OPA1: variants seen among roughly 807,000 people sequenced by gnomAD.
OPA1 encodes OPA1 mitochondrial dynamin like GTPase.
Under a neutral mutation model 152.9 loss-of-function variants are expected in OPA1, and 59 were observed. The ratio of observed to expected loss-of-function variants is 0.39; its 90% CI spans 0.31 to 0.48. OPA1 has a LOEUF of 0.48. Among genes scored for constraint, OPA1 ranks in the 20% least tolerant of loss-of-function variants. OPA1 has a pLI of 0.96. For synonymous variants in OPA1, 400 were observed against 389.9 expected, an observed-to-expected ratio of 1.03 and a Z score of -0.31; for missense variants, 1,008 against 1,216.8, an observed-to-expected ratio of 0.83 and a Z score of 2.55.
Position 193,658,965 on chromosome 3 carries a change from G to C in OPA1, c.2410G>C (p.Glu804Gln), listed in dbSNP as rs1714572413. Reference sequence around the variant, plus strand: ...ATGGGATGCAGCTATTTATTTTATGGAAGAGGCTCTGCAGGCTCGTCTCAA... The same window carrying C: ...ATGGGATGCAGCTATTTATTTTATGCAAGAGGCTCTGCAGGCTCGTCTCAA... ...QQWDAAIYFM[E>Q]EALQARLKDT... The change falls in exon 24 of 31, where the codon GAA (glutamate) becomes CAA (glutamine). Residue 804 changes from glutamate to glutamine, a missense_variant. This residue lies in a region of OPA1 where 229 missense variants were observed against 269.0 expected (regional missense o/e 0.85). Coordinates refer to ENST00000361510, the MANE Select transcript of OPA1 (RefSeq NM_130837.3). The C allele has an allele frequency of 6.2e-7, 1 of 1,613,716 alleles. No homozygotes were observed. The highest frequency in any genetic ancestry group is 1.3e-5 in the African/African-American group (1 of 75,030).
intron 27 of OPA1, among the ~76,000 whole-genome samples, chr3:193,665,792 A>C (rs1159490273): frequency 1.3e-5 from 2 of 152,170 alleles, no homozygotes; most frequent in Admixed American, 6.5e-5. Context: ...ACTTCTTTCT[A>C]TAGAAACTTC....
chr3:193,599,094 G>T (rs1726060137), intron 1 of OPA1, among the ~76,000 whole-genome samples: 1 of 151,930 alleles, frequency 6.6e-6, no homozygotes, highest in South Asian at 2.1e-4. Flanking sequence ...CTAACTTTAG[G>T]CTCTTCCCCT....
chr3:193,634,816 A>G (rs1382818908), intron 8 of OPA1, among the ~76,000 whole-genome samples: 4 of 152,152 alleles, frequency 2.6e-5, no homozygotes, highest in Non-Finnish European at 5.9e-5. Flanking sequence ...CTGCTCCTCT[A>G]CTAAGTGACC....
Position 193,667,207 on chromosome 3 carries a change from A to G in OPA1, c.2910A>G (p.Glu970=), listed in dbSNP as rs1416460079. 9 of 1,606,248 alleles carry G rather than the reference A, an allele frequency of 5.6e-6. No homozygotes were observed. Among genetic ancestry groups the G allele is most frequent in the African/African-American group, 2.7e-5 (2 of 74,770 alleles). The change falls in exon 29 of 31, where the codon GAA becomes GAG. Residue 970 remains glutamate, a synonymous_variant. Transcript: ENST00000361510. ...RLEKNVKEVL[E]DFAEDGEKKI... ...AGAAAAATGTTAAAGAGGTATTGGAAGATTTTGCTGAAGATGGTGAGAAGA... is the reference window on the plus strand; with the variant it reads ...AGAAAAATGTTAAAGAGGTATTGGAGGATTTTGCTGAAGATGGTGAGAAGA...
Position 193,658,890 on chromosome 3 carries a change from G to A in OPA1, c.2335G>A (p.Val779Ile). The change falls in exon 24 of 31, where the codon GTT becomes ATT. Residue 779 changes from valine (V) to isoleucine (I), a missense_variant. Val to Ile is a conservative substitution (Grantham distance 29). Transcript: ENST00000361510. ...TTTCTCTTCTTGTTATTTTCAGAGG[G>A]TTATTCAACACAATGCTTTGGAAGA... is the stretch of plus-strand genomic sequence containing the variant. ...WNDFAEDSLR[V>I]IQHNALEDRS... 1.2e-6 allele frequency: 2 copies of A among 1,610,170 alleles called. No homozygotes were observed. The highest frequency in any genetic ancestry group is 8.5e-7 in the Non-Finnish European group (1 of 1,176,524).
chr3:193,603,517 C>A (rs1726771385), intron 1 of OPA1: 1 of 152,204 alleles, frequency 6.6e-6, no homozygotes, highest in African/African-American at 2.4e-5. Flanking sequence ...GAAAGGAGCT[C>A]ATCTGTTTGG....
At chr3:193,652,829 T>C (rs913533173) in intron 21 of OPA1, among the ~76,000 whole-genome samples, 1 of 151,986 alleles carries the variant, frequency 6.6e-6, no homozygotes, top group African/African-American at 2.4e-5. Context: ...CAAGGAGAAG[T>C]GATAACAGCT....
chr3:193,607,485 C>T (rs1326395894), intron 1 of OPA1, among the ~76,000 whole-genome samples: 2 of 152,192 alleles, frequency 1.3e-5, no homozygotes, highest in Non-Finnish European at 2.9e-5. Flanking sequence ...CTACATATGG[C>T]TAGCCAGTTT....
At chr3:193,615,498 G>A (rs1161798202) in intron 2 of OPA1, among the ~76,000 whole-genome samples, 176 bp from the exon 3 acceptor site, 3 of 152,166 alleles carry the variant, frequency 2.0e-5, no homozygotes, top group Non-Finnish European at 4.4e-5. Context: ...ATTTAACAGA[G>A]GAGTGTTAAC....
rs77232467 is a variant in OPA1, at chr3:193,684,985, A to G, written c.2984-7078A>G. Among the ~76,000 whole-genome samples the G allele has an allele frequency of 2.0e-5, 3 of 152,236 alleles. No homozygotes were observed. The East Asian group carries it at 5.8e-4, about 29-fold the overall frequency. ...GGAGCCTAGTAGAAATGCTTGTGTT[A>G]TAAGAGTTTATTTTTTAAAAAGCTG... On this transcript the variant is annotated intron_variant, in intron 29 of 30. Transcript: ENST00000361510.
intron 11 of OPA1, among the ~76,000 whole-genome samples, chr3:193,640,621 C>T (rs1363641693): frequency 6.6e-6 from 1 of 152,130 alleles, no homozygotes; most frequent in African/African-American, 2.4e-5. Flanking sequence ...GTTAACAGAT[C>T]GTGGTGACTC....
At chr3:193,628,935 C>T (rs926266174) in intron 7 of OPA1, among the ~76,000 whole-genome samples, 5 of 151,736 alleles carry the variant, frequency 3.3e-5, no homozygotes, top group African/African-American at 9.7e-5. Context: ...TTTTTTGAGA[C>T]GGAGTTTCGC....
Position 193,643,381 on chromosome 3 carries a change from C to T in OPA1, c.1314C>T (p.Ser438=), listed in dbSNP as rs781775689. 2 of 1,609,344 alleles carry T rather than the reference C, an allele frequency of 1.2e-6. No homozygotes were observed. Among genetic ancestry groups the T allele is most frequent in the Non-Finnish European group, 1.7e-6 (2 of 1,175,870 alleles). ...TTATTTTTCCTGAGTAGACCATATC[C>T]TTAAATGTAAAAGGCCCTGGACTAC... ...EGCTVSPETI[S]LNVKGPGLQR... is the part of the protein sequence containing the mutation. The change falls in exon 14 of 31, where the codon TCC becomes TCT. Residue 438 remains serine (S), a synonymous_variant. Coordinates refer to ENST00000361510, the MANE Select transcript of OPA1 (RefSeq NM_130837.3).
chr3:193,603,221 C>T lies in OPA1; in HGVS notation c.32+9812C>T, dbSNP rs116294596. 3.3e-4 allele frequency among the ~76,000 whole-genome samples: 51 copies of T among 152,288 alleles called. No homozygotes were observed. In the East Asian group the frequency reaches 6.2e-3, roughly 18 times the overall value. On this transcript the variant is annotated intron_variant, in intron 1 of 30. Transcript: ENST00000361510. ...ATTCAGGAAGGACCAGGCGGCCGTCCGGGCCCTTTGTGAGTCTTTGCTTCA... is the reference window on the plus strand; with the variant it reads ...ATTCAGGAAGGACCAGGCGGCCGTCTGGGCCCTTTGTGAGTCTTTGCTTCA...
In OPA1 at chr3:193,688,449, C is replaced by CTTTTTTTTTTTTTTTTTTT. The variant is rs766448341; in HGVS notation, c.2984-3585_2984-3567dup. Among the ~76,000 whole-genome samples, 13 of 63,360 alleles carry CTTTTTTTTTTTTTTTTTTT rather than the reference C, an allele frequency of 2.1e-4. 2 individuals carry two copies. Among genetic ancestry groups the CTTTTTTTTTTTTTTTTTTT allele is most frequent in the East Asian group, 1.1e-3 (2 of 1,750 alleles). 41.6% of individuals were successfully genotyped at this position (63,360 alleles called of 152,430 possible). ...TGATTTTTACTGAAATGGGTCTTTT[C>CTTTTTTTTTTTTTTTTTTT]TTTTTTTTTTTTTTTTTTTTTTTTT... On this transcript the variant is annotated intron_variant, in intron 29 of 30. Coordinates refer to ENST00000361510, the MANE Select transcript of OPA1 (RefSeq NM_130837.3).
chr3:193,692,944 G>C (rs1721876148), intron 30 of OPA1, among the ~76,000 whole-genome samples: 1 of 152,242 alleles, frequency 6.6e-6, no homozygotes, highest in Non-Finnish European at 1.5e-5. Flanking sequence ...TTTTTGTAGA[G>C]ATGGGGTTTC....
chr3:193,653,903 A>T (rs1713136317), intron 21 of OPA1, among the ~76,000 whole-genome samples: 1 of 152,208 alleles, frequency 6.6e-6, no homozygotes, highest in South Asian at 2.1e-4. Context: ...GACAGACTAT[A>T]CCAAGTGTTG....
At chr3:193,612,792 A>C (rs922433548) in intron 1 of OPA1, among the ~76,000 whole-genome samples, 3 of 152,214 alleles carry the variant, frequency 2.0e-5, no homozygotes, top group Non-Finnish European at 4.4e-5. Flanking sequence ...CAGAGGTCTG[A>C]GGCCTCTAAC....
intron 1 of OPA1, among the ~76,000 whole-genome samples, chr3:193,594,580 G>A (rs1725207688): frequency 6.6e-6 from 1 of 152,154 alleles, no homozygotes; most frequent in South Asian, 2.1e-4. Context: ...TAGAGAGGGG[G>A]TTTCACCATT....
Sources: allele counts gnomAD v4.1 joint callset (sites outside exome capture counted in the v4.1 genomes callset), GRCh38; gene constraint gnomAD v4.1.1; regional missense constraint gnomAD v4.1.1; transcripts MANE v1.5; gene names NCBI Gene and HGNC (gene_info 2026-07-23, HGNC 2026-07-21).